Variants in MAP3K5 observed in about 807,000 individuals in gnomAD.
MAP3K5 encodes the protein ASK-1.
In MAP3K5, 56 loss-of-function variants were observed where a neutral mutation model predicts 158.7. That is an observed-to-expected ratio of 0.35 (90% CI 0.28 to 0.44). The LOEUF (loss-of-function observed/expected upper bound fraction) is 0.44. MAP3K5 is among the 20% of genes least tolerant of loss of function. The pLI is 1.00. For missense variants in MAP3K5, 1,294 were observed against 1,674.8 expected (o/e 0.77, Z 3.97); for synonymous variants, 579 against 601.7 (o/e 0.96, Z 0.55).
chr6:136,642,661 C>G, intron 11 of MAP3K5, 92 bp from the exon 12 acceptor site: 1 of 846,284 alleles, frequency 1.2e-6, no homozygotes, highest in South Asian at 1.5e-5. Context: ...AAGTGATATA[C>G]ACAGCCATTT....
In MAP3K5 at chr6:136,631,277, A is replaced by G. The variant is rs769381258; in HGVS notation, c.2016+6048T>C. On this transcript the variant is annotated intron_variant, in intron 14 of 29. Transcript: ENST00000359015. ...ATTGATACTCATATCATACAACACTATAAGTGATGTATTTTCTCAGGCAGG... is the reference window on the plus strand; with the variant it reads ...ATTGATACTCATATCATACAACACTGTAAGTGATGTATTTTCTCAGGCAGG... 8.0e-4 allele frequency among the ~76,000 whole-genome samples: 121 copies of G among 152,174 alleles called. 1 individual carries two copies. Among genetic ancestry groups the G allele is most frequent in the Non-Finnish European group, 1.5e-3 (103 of 68,022 alleles).
chr6:136,597,712 G>A (rs1048610296), intron 21 of MAP3K5, among the ~76,000 whole-genome samples: 2 of 152,190 alleles, frequency 1.3e-5, no homozygotes, highest in African/African-American at 4.8e-5. Flanking sequence ...TATTCCTAGT[G>A]CCTTGTGCCT....
chr6:136,698,717 T>C (rs1780716657), intron 3 of MAP3K5, 35 bp from the exon 4 acceptor site: 1 of 1,526,658 alleles, frequency 6.6e-7, no homozygotes, highest in Non-Finnish European at 9.0e-7. Context: ...AGTGGGGAGC[T>C]GGCCTGGAGA....
chr6:136,575,464 T>C (rs1268076512), intron 25 of MAP3K5, among the ~76,000 whole-genome samples: 1 of 152,184 alleles, frequency 6.6e-6, no homozygotes, highest in Non-Finnish European at 1.5e-5. Context: ...ACACCTGACT[T>C]TGACACAATA....
intron 2 of MAP3K5, among the ~76,000 whole-genome samples, chr6:136,706,604 T>C (rs1472755328): frequency 1.3e-5 from 2 of 152,148 alleles, no homozygotes; most frequent in African/African-American, 4.8e-5. Flanking sequence ...GGCGAGTCCA[T>C]CTGGCTGAGG....
chr6:136,782,749 A>C (rs968031153), intron 1 of MAP3K5, among the ~76,000 whole-genome samples: 1 of 152,214 alleles, frequency 6.6e-6, no homozygotes, highest in Non-Finnish European at 1.5e-5. Context: ...TTAATATTTA[A>C]AATTCTCTCT....
chr6:136,763,632 G>A (rs1783844979), intron 1 of MAP3K5, among the ~76,000 whole-genome samples: 1 of 152,182 alleles, frequency 6.6e-6, no homozygotes, highest in African/African-American at 2.4e-5. Flanking sequence ...TCTGATGACT[G>A]TTCTCAAGGC....
Position 136,791,706 on chromosome 6 carries a change from G to C in MAP3K5, c.448+4C>G. 4.3e-6 allele frequency: 7 copies of C among 1,612,998 alleles called. No individual in the cohort carries two copies. The highest frequency in any genetic ancestry group is 5.1e-6 in the Non-Finnish European group (6 of 1,179,918). On this transcript the variant is annotated splice_donor_region_variant and intron_variant, in intron 1 of 29. Coordinates refer to ENST00000359015, the MANE Select transcript of MAP3K5 (RefSeq NM_005923.4). ...GCGGGATGGGAAAGGGGTCACACAC[G>C]CACCTGCATTGTAAAAGCGGTCCAG...
intron 14 of MAP3K5, among the ~76,000 whole-genome samples, chr6:136,634,465 C>T (rs1777519804): frequency 6.6e-6 from 1 of 152,144 alleles, no homozygotes; most frequent in Non-Finnish European, 1.5e-5. Context: ...TTGAATTCTT[C>T]CTACAGGCTC....
At chr6:136,558,293 G>A (rs1288811352) in intron 29 of MAP3K5, among the ~76,000 whole-genome samples, 4 of 152,060 alleles carry the variant, frequency 2.6e-5, no homozygotes, top group Admixed American at 1.3e-4. Flanking sequence ...GCAGGAGAAC[G>A]GCGTGAACCT....
intron 7 of MAP3K5, among the ~76,000 whole-genome samples, chr6:136,678,449 T>C (rs1779794718): frequency 6.6e-6 from 1 of 152,162 alleles, no homozygotes. Context: ...TGTCACAGTT[T>C]AGCAAAAGGA....
intron 1 of MAP3K5, among the ~76,000 whole-genome samples, chr6:136,769,217 C>T (rs892184684): frequency 3.3e-5 from 5 of 152,122 alleles, no homozygotes; most frequent in African/African-American, 4.8e-5. Flanking sequence ...GGATGAAGCA[C>T]GAAAGCATTA....
rs572933914 is a variant in MAP3K5 at position 136,712,184 on chromosome 6, T to G, written c.589-7051A>C. On this transcript the variant is annotated intron_variant, in intron 2 of 29. Coordinates refer to ENST00000359015, the MANE Select transcript of MAP3K5 (RefSeq NM_005923.4). The stretch of plus-strand genomic sequence containing the variant: ...AAAGCATTTAATAGAGCTTTTTTTT[T>G]TTTTTTTGAGACAGGGTCTCACTCT... 2.4e-3 allele frequency among the ~76,000 whole-genome samples: 371 copies of G among 151,558 alleles called. 4 individuals carry two copies. Among genetic ancestry groups the G allele is most frequent in the Non-Finnish European group, 2.9e-3 (195 of 67,812 alleles).
At chr6:136,696,936 A>C (rs985731988) in intron 5 of MAP3K5, among the ~76,000 whole-genome samples, 2 of 152,210 alleles carry the variant, frequency 1.3e-5, no homozygotes, top group Non-Finnish European at 2.9e-5. Context: ...AGTAGAATAG[A>C]CTGTGTCCAC....
chr6:136,681,502 G>A (rs988663559), intron 7 of MAP3K5, among the ~76,000 whole-genome samples: 4 of 152,138 alleles, frequency 2.6e-5, no homozygotes, highest in African/African-American at 9.7e-5. Context: ...GAGTGGTGGT[G>A]CACATCAGTA....
chr6:136,706,230 C>A (rs1186765841), intron 2 of MAP3K5, among the ~76,000 whole-genome samples: 1 of 152,012 alleles, frequency 6.6e-6, no homozygotes, highest in Non-Finnish European at 1.5e-5. Flanking sequence ...CGCACCACTG[C>A]ACTCTAACCT....
chr6:136,620,106 T>C (rs1260066318), intron 15 of MAP3K5, among the ~76,000 whole-genome samples: 1 of 151,962 alleles, frequency 6.6e-6, no homozygotes, highest in East Asian at 1.9e-4. Flanking sequence ...TCTGTCTCTA[T>C]TAAAAACACA....
chr6:136,762,796 C>G (rs1668756170), intron 1 of MAP3K5, among the ~76,000 whole-genome samples: 1 of 152,128 alleles, frequency 6.6e-6, no homozygotes, highest in African/African-American at 2.4e-5. Flanking sequence ...AAGTCCTCTC[C>G]CCCTTCCTCC....
intron 1 of MAP3K5, among the ~76,000 whole-genome samples, chr6:136,722,466 C>T (rs1781783464): frequency 1.3e-5 from 2 of 152,028 alleles, no homozygotes; most frequent in Non-Finnish European, 2.9e-5. Context: ...TAGACATCAA[C>T]AAGCAAATTC....
Sources: gnomAD v4.1 joint callset for allele counts (sites outside exome capture counted in the v4.1 genomes callset) on GRCh38, gnomAD v4.1.1 for gene constraint, MANE v1.5 for transcripts, NCBI Gene and HGNC (gene_info 2026-07-23, HGNC 2026-07-21) for gene names.